RAD54L2: variants seen among roughly 807,000 people sequenced by gnomAD.
RAD54L2 encodes the protein RAD54 like 2.
Under a neutral mutation model 138.4 loss-of-function variants are expected in RAD54L2, and 27 were observed. That is an observed-to-expected ratio of 0.20 (90% CI 0.14 to 0.27). The LOEUF is 0.27. RAD54L2 is among the 10% of genes least tolerant of loss of function. RAD54L2 has a pLI of 1.00. For synonymous variants in RAD54L2, 644 were observed against 723.2 expected (o/e 0.89, Z 1.76); for missense variants, 1,396 against 1,890.2 (o/e 0.74, Z 4.85).
At chr3:51,658,703 A>G (rs1377413427) in intron 21 of RAD54L2, among the ~76,000 whole-genome samples, 2 of 152,142 alleles carry the variant, frequency 1.3e-5, no homozygotes, top group Admixed American at 6.5e-5. Context: ...GGTTAGGGAA[A>G]AAGTGCCATG....
At chr3:51,656,619 C>A (rs1392672223) in intron 20 of RAD54L2, among the ~76,000 whole-genome samples, 1 of 152,166 alleles carries the variant, frequency 6.6e-6, no homozygotes, top group Non-Finnish European at 1.5e-5. Context: ...GGCCAGTCAG[C>A]AGTGGTGGCA....
intron 3 of RAD54L2, among the ~76,000 whole-genome samples, chr3:51,604,241 T>C (rs1458068291): frequency 1.3e-5 from 2 of 152,158 alleles, no homozygotes; most frequent in South Asian, 2.1e-4. Flanking sequence ...GGGGAGCAGA[T>C]AGGAGTTTGG....
chr3:51,639,187 T>C (rs1701063537), intron 12 of RAD54L2: 1 of 548,504 alleles, frequency 1.8e-6, no homozygotes, highest in Admixed American at 3.3e-5. Context: ...ACATACTTAC[T>C]GGCATGGCTC....
Position 51,637,445 on chromosome 3 carries a change from C to T in RAD54L2, c.1624C>T (p.Arg542Cys), listed in dbSNP as rs774574331. 2.0e-5 allele frequency: 33 copies of T among 1,613,708 alleles called. No homozygotes were observed. The highest frequency in any genetic ancestry group is 3.3e-5 in the Admixed American group (2 of 59,996). ...TATTGACAGCACACCTCAGGACGTC[C>T]GCCTCATGCGGTACCGGAGCCATGT... ...QCIDSTPQDV[R>C]LMRYRSHVLH... The change falls in exon 11 of 23, where the codon CGC becomes TGC. Residue 542 changes from arginine (R) to cysteine (C), a missense_variant. Physicochemically the swap from Arg to Cys is radical, Grantham distance 180. Transcript: ENST00000684192. This position sits in a 1 kb window ranked among gnomAD's most constrained non-coding sequence, Gnocchi z 5.9.
intron 3 of RAD54L2, among the ~76,000 whole-genome samples, chr3:51,599,844 C>G (rs549784840): frequency 6.6e-5 from 10 of 152,196 alleles, no homozygotes; most frequent in African/African-American, 2.4e-4. Context: ...TCTCAAACTC[C>G]TGGCCTGAAG....
intron 2 of RAD54L2, among the ~76,000 whole-genome samples, chr3:51,570,168 C>G (rs1239558483): frequency 1.7e-5 from 2 of 114,400 alleles, no homozygotes; most frequent in Non-Finnish European, 3.4e-5. Context: ...TTTTTTGAGA[C>G]AGAGTCTCAC....
Position 51,639,979 on chromosome 3 carries a change from G to T in RAD54L2, c.2211G>T (p.Gly737=). 6.2e-7 allele frequency: 1 copy of T among 1,606,516 alleles called. No individual in the cohort carries two copies. Residue 737 remains glycine (G), a synonymous_variant, in exon 14 of 23, where the codon GGG becomes GGT. Transcript: ENST00000684192. The part of the protein sequence containing the change: ...FHLIEESVKL[G]DKILVFSQSL... Reference sequence around the variant, plus strand: ...TGATTGAGGAAAGTGTGAAGCTTGGGGACAAGATCCTTGTGTTTAGGTAGG... The same window carrying T: ...TGATTGAGGAAAGTGTGAAGCTTGGTGACAAGATCCTTGTGTTTAGGTAGG...
chr3:51,604,982 C>T (rs1310877811), intron 3 of RAD54L2, among the ~76,000 whole-genome samples: 2 of 151,860 alleles, frequency 1.3e-5, no homozygotes, highest in African/African-American at 2.4e-5. Flanking sequence ...AGTACAGTGG[C>T]GTGATCTCGG....
In RAD54L2 at chr3:51,582,609, G is replaced by A. The variant is rs1255788544; in HGVS notation, c.-54-7758G>A. Reference sequence around the variant, plus strand: ...TGCCTTTTTTTTTTTTTTCCTGCTGGCCATGATTCCATGGAGAAGGAAACG... The same window carrying A: ...TGCCTTTTTTTTTTTTTTCCTGCTGACCATGATTCCATGGAGAAGGAAACG... On this transcript the variant is annotated intron_variant, in intron 2 of 22. Coordinates refer to ENST00000684192, the MANE Select transcript of RAD54L2 (RefSeq NM_015106.4). Among the ~76,000 whole-genome samples, 3 of 150,224 alleles carry A rather than the reference G, an allele frequency of 2.0e-5. No homozygotes were observed. The East Asian group carries it at 5.9e-4, about 29-fold the overall frequency.
At chr3:51,590,309 A>G (rs1294360611) in intron 2 of RAD54L2, 58 bp from the exon 3 acceptor site, 4 of 1,296,868 alleles carry the variant, frequency 3.1e-6, no homozygotes, top group Non-Finnish European at 4.1e-6. Flanking sequence ...TTTCTTTGAA[A>G]GACTTGTGTT....
intron 3 of RAD54L2, among the ~76,000 whole-genome samples, chr3:51,622,301 A>G (rs909928167): frequency 3.9e-5 from 6 of 152,174 alleles, no homozygotes; most frequent in African/African-American, 1.4e-4. Flanking sequence ...ACCAAGGCTC[A>G]CACACGCAGT....
rs1701045021 is a variant in RAD54L2 at position 51,638,451 on chromosome 3, C to G, written c.1860+130C>G. On this transcript the variant is annotated intron_variant, in intron 12 of 22. Transcript: ENST00000684192. The surrounding 1 kb of genome is among the most constrained non-coding windows in gnomAD (Gnocchi z 4.3). ...GAGGGGGCCACCTCAGTTCACTGCACTGGAGGTTTGGGGGCTCCAAGGAGA... is the reference window on the plus strand; with the variant it reads ...GAGGGGGCCACCTCAGTTCACTGCAGTGGAGGTTTGGGGGCTCCAAGGAGA... 3.6e-6 allele frequency: 4 copies of G among 1,123,998 alleles called. No individual in the cohort carries two copies. The highest frequency in any genetic ancestry group is 5.0e-6 in the Non-Finnish European group (4 of 794,376). 69.6% of individuals were successfully genotyped at this position (1,123,998 alleles called of 1,614,324 possible).
intron 22 of RAD54L2, among the ~76,000 whole-genome samples, chr3:51,661,698 G>A (rs574718919): frequency 6.6e-6 from 1 of 152,278 alleles, no homozygotes; most frequent in Non-Finnish European, 1.5e-5. Flanking sequence ...CATACATACA[G>A]AAAAGTTGAA....
At chr3:51,597,318 C>G (rs1699985427) in intron 3 of RAD54L2, among the ~76,000 whole-genome samples, 1 of 152,010 alleles carries the variant, frequency 6.6e-6, no homozygotes, top group Admixed American at 6.6e-5. Flanking sequence ...TATTTCCAAA[C>G]TTAGTTCCTC....
At chr3:51,639,731 C>T in intron 13 of RAD54L2, 61 bp downstream of exon 13, 1 of 1,591,260 alleles carries the variant, frequency 6.3e-7, no homozygotes, top group African/African-American at 1.3e-5. Flanking sequence ...GGTGCAAGCC[C>T]TGCCTGGGGA....
In RAD54L2 at chr3:51,630,819, T is replaced by C. The variant is rs1359911591; in HGVS notation, c.713T>C (p.Val238Ala). ...AAGGGTGGCACCCATGTCAATGATG[T>C]CTTAAACCAGCGTGACGCCCTTGGG... Reference protein sequence around the residue: ...EEKGGTHVNDVLNQRDALGRV... With the variant: ...EEKGGTHVNDALNQRDALGRV... The change falls in exon 7 of 23, where the codon GTC (valine) becomes GCC (alanine). Residue 238 changes from valine (V) to alanine (A), a missense_variant. This residue lies in a region of RAD54L2 where 256 missense variants were observed against 344.6 expected (regional missense o/e 0.74). Coordinates refer to ENST00000684192, the MANE Select transcript of RAD54L2 (RefSeq NM_015106.4). The C allele has an allele frequency of 6.2e-7, 1 of 1,614,030 alleles. No individual in the cohort carries two copies. Among genetic ancestry groups the C allele is most frequent in the East Asian group, 2.2e-5 (1 of 44,876 alleles).
intron 2 of RAD54L2, among the ~76,000 whole-genome samples, chr3:51,550,127 T>A (rs1698800665): frequency 6.6e-6 from 1 of 152,176 alleles, no homozygotes. Context: ...TGGTTGCTGG[T>A]AGTTCCCACT....
chr3:51,556,467 C>G (rs953678660), intron 2 of RAD54L2, among the ~76,000 whole-genome samples: 1 of 152,018 alleles, frequency 6.6e-6, no homozygotes, highest in African/African-American at 2.4e-5. Flanking sequence ...AGGCTGGTCT[C>G]AAACTCCTGT....
intron 15 of RAD54L2, among the ~76,000 whole-genome samples, chr3:51,643,188 C>T (rs1332622897): frequency 6.6e-6 from 1 of 152,154 alleles, no homozygotes; most frequent in Admixed American, 6.5e-5. Flanking sequence ...GCACAGGCCA[C>T]CATGCCCAGC....
Sources: gnomAD v4.1 joint callset for allele counts (sites outside exome capture counted in the v4.1 genomes callset) on GRCh38, gnomAD v4.1.1 for gene constraint, gnomAD v4.1.1 regional missense constraint, Gnocchi (gnomAD v3.1) non-coding constraint, MANE v1.5 for transcripts, NCBI Gene and HGNC (gene_info 2026-07-23, HGNC 2026-07-21) for gene names.